The following KCMF1 variants were observed in gnomAD, a reference collection of about 807,000 sequenced individuals.
The protein encoded by KCMF1 is potassium channel modulatory factor 1.
In KCMF1, 3 loss-of-function variants were observed where a neutral mutation model predicts 41.1. That is an observed-to-expected ratio of 0.07 (90% CI 0.03 to 0.19). KCMF1 has a LOEUF of 0.19. KCMF1 is among the 10% of genes least tolerant of loss of function. The probability of loss-of-function intolerance (pLI) is 1.00; values close to 1 mark genes in which losing one functional copy is unlikely to be tolerated. For synonymous variants in KCMF1, 142 were observed against 164.5 expected (o/e 0.86, Z 1.04); for missense variants, 286 against 488.9 (o/e 0.58, Z 3.91).
chr2:85,040,419 G>A (rs192564440), intron 3 of KCMF1, among the ~76,000 whole-genome samples: 9 of 152,226 alleles, frequency 5.9e-5, no homozygotes, highest in Admixed American at 5.9e-4. Flanking sequence ...CAGTATTTGT[G>A]CCCATGAGTG....
intron 1 of KCMF1, among the ~76,000 whole-genome samples, chr2:84,984,373 T>G (rs1256214950): frequency 2.0e-5 from 3 of 152,088 alleles, no homozygotes; most frequent in Non-Finnish European, 4.4e-5. Context: ...AGTGCTACGA[T>G]TACAGATGTG....
At chr2:85,016,712 A>G (rs951572502) in intron 1 of KCMF1, among the ~76,000 whole-genome samples, 2 of 138,368 alleles carry the variant, frequency 1.4e-5, no homozygotes, top group African/African-American at 5.4e-5. Context: ...TTTTTTTTTG[A>G]GACAGAGTCT....
At chr2:85,044,105 G>A (rs902726981) in intron 4 of KCMF1, among the ~76,000 whole-genome samples, 6 of 151,990 alleles carry the variant, frequency 3.9e-5, no homozygotes, top group Non-Finnish European at 7.4e-5. Context: ...CCAGGATGGC[G>A]TTTTCATACA....
intron 1 of KCMF1, among the ~76,000 whole-genome samples, chr2:84,974,658 CATATATATAT>C (rs71392939): frequency 2.0e-3 from 58 of 29,334 alleles, no homozygotes; most frequent in South Asian, 0.011. Context: ...ATTTTAATTT[CATATATATAT>C]ATATATATAT....
chr2:85,001,857 C>T lies in KCMF1; in HGVS notation c.17-26032C>T, dbSNP rs543126274. 2.0e-5 allele frequency among the ~76,000 whole-genome samples: 3 copies of T among 152,300 alleles called. No individual in the cohort carries two copies. The East Asian group carries it at 5.8e-4, about 29-fold the overall frequency. On this transcript the variant is annotated intron_variant, in intron 1 of 6. Coordinates refer to ENST00000409785, the MANE Select transcript of KCMF1 (RefSeq NM_020122.5). The stretch of plus-strand genomic sequence containing the variant: ...GAATATCATAGTGTACTAACACAAA[C>T]CCCTACTGTACACCTAGGCTATATG...
At chr2:85,020,688 A>G (rs986482089) in intron 1 of KCMF1, among the ~76,000 whole-genome samples, 2 of 152,138 alleles carry the variant, frequency 1.3e-5, no homozygotes, top group Non-Finnish European at 2.9e-5. Context: ...TTAGTCTCCC[A>G]AAGTGTTCGT....
intron 1 of KCMF1, among the ~76,000 whole-genome samples, chr2:84,978,503 T>G (rs543762210): frequency 7.2e-6 from 1 of 139,520 alleles, no homozygotes; most frequent in East Asian, 2.0e-4. Flanking sequence ...GTTTTTGGGT[T>G]TTTTTTTTTT....
rs754749988 is a variant in KCMF1, at chr2:85,046,130, A to G, written c.453A>G (p.Val151=). 12 of 1,613,558 alleles carry G rather than the reference A, an allele frequency of 7.4e-6. No homozygotes were observed. In the South Asian group the frequency reaches 1.3e-4, roughly 18 times the overall value. ...ATGAATCGAGTGGTGTTCGACATGT[A>G]CGTAGAATGTTTCACCCTGGCCGGG... is the stretch of plus-strand genomic sequence containing the variant. ...DLDESSGVRH[V]RRMFHPGRGL... Residue 151 remains valine, a synonymous_variant, in exon 5 of 7, where the codon GTA becomes GTG. Transcript: ENST00000409785.
intron 1 of KCMF1, among the ~76,000 whole-genome samples, chr2:84,977,583 C>CTTTTTT (rs772731086): frequency 6.9e-6 from 1 of 144,556 alleles, no homozygotes; most frequent in East Asian, 2.0e-4. Flanking sequence ...CCACACCCGA[C>CTTTTTT]TTTTTTTTTT....
At chr2:85,014,696 TACTG>T (rs1393033003) in intron 1 of KCMF1, among the ~76,000 whole-genome samples, 3 of 148,584 alleles carry the variant, frequency 2.0e-5, no homozygotes, top group Non-Finnish European at 4.4e-5. Flanking sequence ...TATATGGAAA[TACTG>T]GCGCGCGCGT....
intron 1 of KCMF1, among the ~76,000 whole-genome samples, chr2:84,976,736 A>C (rs1673555169): frequency 6.6e-6 from 1 of 152,058 alleles, no homozygotes; most frequent in Non-Finnish European, 1.5e-5. Flanking sequence ...TGTAAAAATG[A>C]TAGTGGATAA....
intron 3 of KCMF1, among the ~76,000 whole-genome samples, chr2:85,039,490 A>G (rs959203865): frequency 1.3e-5 from 2 of 152,194 alleles, no homozygotes; most frequent in African/African-American, 4.8e-5. Flanking sequence ...AAAGTTCTGT[A>G]TATTCAGCAG....
chr2:84,978,805 TC>T (rs1463181512), intron 1 of KCMF1, among the ~76,000 whole-genome samples: 2 of 152,034 alleles, frequency 1.3e-5, no homozygotes, highest in Non-Finnish European at 2.9e-5. Flanking sequence ...AACCTCCACT[TC>T]CTGGGTTCAA....
chr2:85,049,584 A>G lies in KCMF1; in HGVS notation c.820A>G (p.Thr274Ala), dbSNP rs1284640785. 3 of 1,613,974 alleles carry G rather than the reference A, an allele frequency of 1.9e-6. No individual in the cohort carries two copies. Among genetic ancestry groups the G allele is most frequent in the Non-Finnish European group, 2.5e-6 (3 of 1,179,860 alleles). The change falls in exon 6 of 7, where the codon ACC becomes GCC. Residue 274 changes from threonine (T) to alanine (A), a missense_variant. Transcript: ENST00000409785. ...TTTITQSTATTNIANTESSQQ... is the reference protein window; with the variant it reads ...TTTITQSTATANIANTESSQQ... ...TACAATCACACAATCCACAGCAACAACCAACATAGCTAATACAGAAAGCAG... is the reference window on the plus strand; with the variant it reads ...TACAATCACACAATCCACAGCAACAGCCAACATAGCTAATACAGAAAGCAG...
At chr2:85,006,301 T>C (rs1251790084) in intron 1 of KCMF1, among the ~76,000 whole-genome samples, 2 of 136,546 alleles carry the variant, frequency 1.5e-5, no homozygotes, top group African/African-American at 2.8e-5. Flanking sequence ...TTTTCTTTTT[T>C]TTTTTTTTTT....
At chr2:84,974,683 ATATATATATTTTTTTTTTTTTTT>A (rs1673495222) in intron 1 of KCMF1, among the ~76,000 whole-genome samples, 1 of 39,730 alleles carries the variant, frequency 2.5e-5, no homozygotes, top group African/African-American at 1.2e-4. Context: ...ATATATATAT[ATATATATATTTTTTTTTTTTTTT>A]TTTTTTTTTT....
At chr2:85,030,760 G>T (rs528165339) in intron 2 of KCMF1, among the ~76,000 whole-genome samples, 1 of 152,056 alleles carries the variant, frequency 6.6e-6, no homozygotes, top group Non-Finnish European at 1.5e-5. Flanking sequence ...GCAGTGGTGC[G>T]ATCTTGGCTC....
chr2:84,976,629 A>T (rs902562016), intron 1 of KCMF1, among the ~76,000 whole-genome samples: 53 of 135,418 alleles, frequency 3.9e-4, no homozygotes, highest in South Asian at 2.4e-3. Context: ...CTATTTCTTT[A>T]AAAAAAAAAA....
chr2:85,029,741 G>A (rs1054146148), intron 2 of KCMF1, among the ~76,000 whole-genome samples: 1 of 148,208 alleles, frequency 6.7e-6, no homozygotes, highest in Non-Finnish European at 1.5e-5. Flanking sequence ...GAGTGCAATG[G>A]CGCCATCTCA....
Sources: gnomAD v4.1 joint callset for allele counts (sites outside exome capture counted in the v4.1 genomes callset) on GRCh38, gnomAD v4.1.1 for gene constraint, MANE v1.5 for transcripts, NCBI Gene and HGNC (gene_info 2026-07-23, HGNC 2026-07-21) for gene names.